The following JPH3 variants were observed in gnomAD, a reference collection of about 807,000 sequenced individuals.
JPH3 encodes junctophilin 3.
Under a neutral mutation model 59.6 loss-of-function variants are expected in JPH3, and 11 were observed. The ratio of observed to expected loss-of-function variants is 0.18; its 90% CI spans 0.12 to 0.31. JPH3 has a LOEUF of 0.31. Ranked by LOEUF, JPH3 falls within the 10% of genes least tolerant of loss-of-function variation. JPH3 has a pLI of 1.00. For synonymous variants in JPH3, 673 were observed against 483.6 expected (o/e 1.39, Z -5.14); for missense variants, 1,202 against 1,105.7 (o/e 1.09, Z -1.24).
chr16:87,605,383 C>G (rs1485890287), intron 1 of JPH3, among the ~76,000 whole-genome samples: 1 of 152,166 alleles, frequency 6.6e-6, no homozygotes, highest in African/African-American at 2.4e-5. Context: ...GTGCCAGGCT[C>G]TGGGAAAACC....
intron 1 of JPH3, among the ~76,000 whole-genome samples, chr16:87,622,985 G>A (rs1339779688): frequency 6.6e-6 from 1 of 152,154 alleles, no homozygotes; most frequent in East Asian, 1.9e-4. Flanking sequence ...CCACAGGGGG[G>A]TAAGTTCAGA....
At chr16:87,656,888 A>G (rs1397085740) in intron 2 of JPH3, among the ~76,000 whole-genome samples, 2 of 151,876 alleles carry the variant, frequency 1.3e-5, no homozygotes, top group African/African-American at 4.8e-5. Context: ...ACAGGGGATC[A>G]CTCCTCGGGC....
rs531195023 is a variant in JPH3, at chr16:87,628,113, G to A, written c.383-16145G>A. 5.3e-5 allele frequency among the ~76,000 whole-genome samples: 8 copies of A among 152,336 alleles called. No homozygotes were observed. In the East Asian group the frequency reaches 1.2e-3, roughly 22 times the overall value. On this transcript the variant is annotated intron_variant, in intron 1 of 4. Coordinates refer to ENST00000284262, the MANE Select transcript of JPH3 (RefSeq NM_020655.4). ...GAGGAGGGAGGAAGCTGGGGTTAAG[G>A]GCAAGGGACAGTTCCTGCTCTCCCA... is the stretch of plus-strand genomic sequence containing the variant.
At chr16:87,607,367 C>G (rs913879050) in intron 1 of JPH3, among the ~76,000 whole-genome samples, 1 of 152,226 alleles carries the variant, frequency 6.6e-6, no homozygotes, top group Non-Finnish European at 1.5e-5. Context: ...TACTCAGGTC[C>G]CGTTCACCGG....
chr16:87,639,716 T>C (rs922338284), intron 1 of JPH3, among the ~76,000 whole-genome samples: 3 of 152,026 alleles, frequency 2.0e-5, no homozygotes, highest in African/African-American at 7.3e-5. Context: ...TTTCTGTGTC[T>C]ATGAGTCTGA....
At chr16:87,648,102 G>A (rs756658276) in intron 2 of JPH3, among the ~76,000 whole-genome samples, 8 of 152,224 alleles carry the variant, frequency 5.3e-5, no homozygotes, top group Non-Finnish European at 7.3e-5. Context: ...GGAGGCAGGT[G>A]TGTTTGTGAG....
intron 3 of JPH3, among the ~76,000 whole-genome samples, chr16:87,687,691 A>G (rs921830569): frequency 2.0e-5 from 3 of 152,160 alleles, no homozygotes; most frequent in Non-Finnish European, 4.4e-5. Flanking sequence ...GCTTCTAGGA[A>G]CGTTACCTGC....
chr16:87,608,570 A>G (rs569346550), intron 1 of JPH3, among the ~76,000 whole-genome samples: 6 of 152,094 alleles, frequency 3.9e-5, no homozygotes, highest in Non-Finnish European at 8.8e-5. Context: ...GGAGAGGAGG[A>G]GAGAAGAGAG....
At chr16:87,664,314 A>G (rs2032794872) in intron 2 of JPH3, among the ~76,000 whole-genome samples, 1 of 146,422 alleles carries the variant, frequency 6.8e-6, no homozygotes, top group Non-Finnish European at 1.5e-5. Context: ...CCTGGGCGAC[A>G]GAATGAGACT....
chr16:87,674,202 C>A (rs999218719), intron 2 of JPH3, among the ~76,000 whole-genome samples: 1 of 152,018 alleles, frequency 6.6e-6, no homozygotes, highest in Non-Finnish European at 1.5e-5. Flanking sequence ...GGCGTGGTGG[C>A]GGGCGCCTGT....
At chr16:87,691,093 C>CT (rs968177550) in intron 4 of JPH3, among the ~76,000 whole-genome samples, 2 of 150,682 alleles carry the variant, frequency 1.3e-5, no homozygotes, top group African/African-American at 4.9e-5. Flanking sequence ...AGCACCCCCC[C>CT]CCCAAATTCG....
At chr16:87,630,329 A>G (rs750329546) in intron 1 of JPH3, among the ~76,000 whole-genome samples, 1 of 152,168 alleles carries the variant, frequency 6.6e-6, no homozygotes, top group Non-Finnish European at 1.5e-5. Context: ...CCACCCTGCC[A>G]CAATCATCTT....
intron 2 of JPH3, among the ~76,000 whole-genome samples, chr16:87,646,349 A>C (rs553327713): frequency 6.6e-6 from 1 of 152,254 alleles, no homozygotes; most frequent in Admixed American, 6.5e-5. Context: ...GATTCCAAGA[A>C]GCTGAAAGAA....
chr16:87,638,355 C>T (rs1199988301), intron 1 of JPH3, among the ~76,000 whole-genome samples: 7 of 152,180 alleles, frequency 4.6e-5, no homozygotes, highest in African/African-American at 1.2e-4. Context: ...GGTGAACAGA[C>T]ACGTTCACTG....
intron 1 of JPH3, among the ~76,000 whole-genome samples, chr16:87,632,257 A>G (rs1015814507): frequency 1.3e-5 from 2 of 152,156 alleles, no homozygotes; most frequent in Admixed American, 1.3e-4. Context: ...TGCCTGCTGA[A>G]GCATTGGCGA....
intron 3 of JPH3, among the ~76,000 whole-genome samples, chr16:87,684,695 A>G (rs1172914788): frequency 6.6e-6 from 1 of 152,194 alleles, no homozygotes; most frequent in Non-Finnish European, 1.5e-5. Flanking sequence ...CCTGCCTCTG[A>G]TGTGAACTAA....
intron 2 of JPH3, among the ~76,000 whole-genome samples, chr16:87,660,827 G>T (rs985167114): frequency 8.5e-5 from 13 of 152,164 alleles, no homozygotes; most frequent in Admixed American, 2.6e-4. Flanking sequence ...CCAGTTATGG[G>T]AGTCCCATGC....
chr16:87,660,170 A>C (rs1017101902), intron 2 of JPH3, among the ~76,000 whole-genome samples: 2 of 152,214 alleles, frequency 1.3e-5, no homozygotes, highest in African/African-American at 4.8e-5. Context: ...ACGGCAGTGC[A>C]CAGGGACTAG....
chr16:87,642,958 C>A (rs7184505), intron 1 of JPH3, among the ~76,000 whole-genome samples: 33,425 of 152,128 alleles, frequency 0.22, 3,978 homozygotes, highest in African/African-American at 0.29. Flanking sequence ...TATTAATTAC[C>A]TTCACGGTGT....
Sources: gnomAD v4.1 joint callset for allele counts (sites outside exome capture counted in the v4.1 genomes callset) on GRCh38, gnomAD v4.1.1 for gene constraint, MANE v1.5 for transcripts, NCBI Gene and HGNC (gene_info 2026-07-23, HGNC 2026-07-21) for gene names.